RALYL: variants seen among roughly 807,000 people sequenced by gnomAD.
The protein encoded by RALYL is RNA-binding Raly-like protein.
Under a neutral mutation model 35.1 loss-of-function variants are expected in RALYL, and 29 were observed. That is an observed-to-expected ratio of 0.83 (90% CI 0.61 to 1.13). The LOEUF is 1.13. Among genes scored for constraint, RALYL ranks in the 50% most tolerant of loss-of-function variants. The probability of loss-of-function intolerance (pLI) is 0.00; values close to 1 mark genes in which losing one functional copy is unlikely to be tolerated. For synonymous variants in RALYL, 120 were observed against 127.6 expected (o/e 0.94, Z 0.40); for missense variants, 359 against 360.4 (o/e 1.00, Z 0.03).
intron 2 of RALYL, among the ~76,000 whole-genome samples, chr8:84,730,264 A>G (rs1845893406): frequency 6.6e-6 from 1 of 152,174 alleles, no homozygotes; most frequent in South Asian, 2.1e-4. Flanking sequence ...CAGCATATAA[A>G]TAGAACCAAA....
At chr8:84,666,318 T>C (rs1207408012) in intron 2 of RALYL, among the ~76,000 whole-genome samples, 1 of 152,062 alleles carries the variant, frequency 6.6e-6, no homozygotes, top group Non-Finnish European at 1.5e-5. Context: ...TATTTATTCA[T>C]GTGAACAAAA....
At chr8:84,451,616 T>A (rs995036231) in intron 1 of RALYL, among the ~76,000 whole-genome samples, 1 of 151,964 alleles carries the variant, frequency 6.6e-6, no homozygotes, top group Non-Finnish European at 1.5e-5. Context: ...GTTGCCACTT[T>A]AAGATCAATA....
chr8:84,391,169 T>C (rs1250340737), intron 1 of RALYL, among the ~76,000 whole-genome samples: 3 of 151,968 alleles, frequency 2.0e-5, no homozygotes, highest in Non-Finnish European at 4.4e-5. Context: ...TCTCATTGCG[T>C]GGACGACTCT....
chr8:84,884,993 A>G (rs984071004), intron 7 of RALYL, among the ~76,000 whole-genome samples: 6 of 152,070 alleles, frequency 3.9e-5, no homozygotes, highest in African/African-American at 1.4e-4. Flanking sequence ...GTGCAGTCAA[A>G]GGATCAGTGA....
chr8:84,480,172 T>C (rs2053894687), intron 1 of RALYL, among the ~76,000 whole-genome samples: 1 of 152,162 alleles, frequency 6.6e-6, no homozygotes, highest in Non-Finnish European at 1.5e-5. Flanking sequence ...TGAGTATAAA[T>C]AATATTCTGA....
intron 1 of RALYL, among the ~76,000 whole-genome samples, chr8:84,330,353 C>A (rs1440517650): frequency 6.6e-6 from 1 of 151,924 alleles, no homozygotes; most frequent in Non-Finnish European, 1.5e-5. Flanking sequence ...ATACTATTTA[C>A]AAACTTATTT....
intron 1 of RALYL, among the ~76,000 whole-genome samples, chr8:84,268,899 C>T (rs1050622496): frequency 1.3e-5 from 2 of 152,110 alleles, no homozygotes; most frequent in East Asian, 3.9e-4. Context: ...ATTTTAAAAG[C>T]TTGAATGTTA....
At chr8:84,419,810 C>A (rs944310567) in intron 1 of RALYL, among the ~76,000 whole-genome samples, 1 of 150,032 alleles carries the variant, frequency 6.7e-6, no homozygotes, top group African/African-American at 2.5e-5. Flanking sequence ...GTTTTTTGTT[C>A]TTGCGATAGT....
At chr8:84,261,957 A>C (rs1832389127) in intron 1 of RALYL, among the ~76,000 whole-genome samples, 1 of 152,124 alleles carries the variant, frequency 6.6e-6, no homozygotes, top group Admixed American at 6.6e-5. Context: ...GACTTCACAT[A>C]ATAAAGACAC....
At chr8:84,609,614 C>G (rs1588485804) in intron 2 of RALYL, among the ~76,000 whole-genome samples, 1 of 152,124 alleles carries the variant, frequency 6.6e-6, no homozygotes, top group African/African-American at 2.4e-5. Flanking sequence ...TTTTTTGAAA[C>G]AATTTCAGTT....
intron 1 of RALYL, among the ~76,000 whole-genome samples, chr8:84,293,469 A>G (rs1336964690): frequency 6.6e-6 from 1 of 152,070 alleles, no homozygotes; most frequent in Non-Finnish European, 1.5e-5. Flanking sequence ...TGGGATCTAC[A>G]TTTCTACACA....
chr8:84,416,278 G>C (rs976104199), intron 1 of RALYL, among the ~76,000 whole-genome samples: 3 of 152,124 alleles, frequency 2.0e-5, no homozygotes, highest in Admixed American at 1.3e-4. Context: ...AATAGCTACT[G>C]GTCAAGACAG....
intron 2 of RALYL, among the ~76,000 whole-genome samples, chr8:84,568,177 TC>T (rs59976012): frequency 1 from 132,037 of 132,040 alleles, 66,017 homozygotes; most frequent in Middle Eastern, 1. Flanking sequence ...TAGGTATATC[TC>T]CCTAATGCTA....
At chr8:84,338,138 T>C (rs1389496247) in intron 1 of RALYL, among the ~76,000 whole-genome samples, 1 of 151,878 alleles carries the variant, frequency 6.6e-6, no homozygotes. Context: ...TTTTAGAGAA[T>C]GAGATACCTT....
At chr8:84,900,039 G>A (rs1845400846) in intron 8 of RALYL, among the ~76,000 whole-genome samples, 1 of 151,976 alleles carries the variant, frequency 6.6e-6, no homozygotes. Flanking sequence ...AAGGATTTTT[G>A]AGATGTTAAG....
At chr8:84,845,253 A>G (rs1834387770) in intron 4 of RALYL, among the ~76,000 whole-genome samples, 1 of 152,224 alleles carries the variant, frequency 6.6e-6, no homozygotes, top group African/African-American at 2.4e-5. Context: ...GAATGCATCA[A>G]ATATGTCTAG....
intron 1 of RALYL, among the ~76,000 whole-genome samples, chr8:84,425,588 A>G (rs2046312942): frequency 6.6e-6 from 1 of 152,064 alleles, no homozygotes; most frequent in African/African-American, 2.4e-5. Context: ...CTTAACTTTT[A>G]TGAACTCTTA....
chr8:84,351,215 G>C (rs1339733333), intron 1 of RALYL, among the ~76,000 whole-genome samples: 4 of 149,764 alleles, frequency 2.7e-5, no homozygotes, highest in Admixed American at 2.6e-4. Context: ...TGATTAAGTA[G>C]TTATTTTGTT....
At chr8:84,583,272 C>T (rs181772729) in intron 2 of RALYL, among the ~76,000 whole-genome samples, 78 of 152,150 alleles carry the variant, frequency 5.1e-4, no homozygotes, top group African/African-American at 1.8e-3. Context: ...TGGAAGGTTT[C>T]CAAAACTAAT....
Sources: gnomAD v4.1 joint callset for allele counts (sites outside exome capture counted in the v4.1 genomes callset) on GRCh38, gnomAD v4.1.1 for gene constraint, MANE v1.5 for transcripts, NCBI Gene and HGNC (gene_info 2026-07-23, HGNC 2026-07-21) for gene names.